CPED1: variants seen among roughly 807,000 people sequenced by gnomAD.
CPED1 encodes the protein cadherin-like and PC-esterase domain-containing protein 1.
A neutral mutation model predicts 128.2 loss-of-function variants in CPED1; 114 were observed. That is an observed-to-expected ratio of 0.89 (90% CI 0.76 to 1.04). The LOEUF (loss-of-function observed/expected upper bound fraction) is 1.04, where lower values mean the gene tolerates loss of function less well. CPED1 is among the 50% of genes least tolerant of loss of function. The pLI is 0.00. For synonymous variants in CPED1, 462 were observed against 426.7 expected, an observed-to-expected ratio of 1.08 and a Z score of -1.02; for missense variants, 1,211 against 1,207.1, an observed-to-expected ratio of 1.00 and a Z score of -0.05.
intron 16 of CPED1, among the ~76,000 whole-genome samples, chr7:121,172,661 CATAG>C (rs6150319): frequency 0.014 from 1,997 of 145,298 alleles, 27 homozygotes; most frequent in African/African-American, 0.028. Context: ...TGGATGGATA[CATAG>C]ATAGATAGAT....
chr7:121,089,898 A>T (rs1045346474), intron 5 of CPED1, among the ~76,000 whole-genome samples: 9 of 152,198 alleles, frequency 5.9e-5, no homozygotes, highest in African/African-American at 2.2e-4. Flanking sequence ...TGGAAAATTC[A>T]TGCAGAAAAC....
intron 10 of CPED1, among the ~76,000 whole-genome samples, chr7:121,127,631 G>GT (rs1219231700): frequency 1.3e-5 from 2 of 150,868 alleles, no homozygotes; most frequent in Non-Finnish European, 2.9e-5. Flanking sequence ...CGCCTCCTGG[G>GT]TTCAAGAGAT....
At chr7:121,088,916 T>C (rs1352972161) in intron 5 of CPED1, among the ~76,000 whole-genome samples, 2 of 152,018 alleles carry the variant, frequency 1.3e-5, no homozygotes, top group Non-Finnish European at 2.9e-5. Flanking sequence ...ATGCAAGATA[T>C]AAGATAGATG....
chr7:121,210,962 A>C (rs957096132), intron 16 of CPED1, among the ~76,000 whole-genome samples: 2 of 152,016 alleles, frequency 1.3e-5, no homozygotes, highest in African/African-American at 4.8e-5. Flanking sequence ...ACCCATAAAA[A>C]TAAAAAAAAT....
intron 16 of CPED1, among the ~76,000 whole-genome samples, chr7:121,162,649 A>G (rs1477137479): frequency 1.3e-5 from 2 of 152,222 alleles, no homozygotes; most frequent in African/African-American, 4.8e-5. Context: ...AGATATTCCA[A>G]GCTCCAGGTG....
At chr7:121,261,845 C>A in intron 18 of CPED1, 1 of 875,404 alleles carries the variant, frequency 1.1e-6, no homozygotes, top group Non-Finnish European at 1.8e-6. Context: ...CTTATCTCAC[C>A]TAATACAGGG....
intron 22 of CPED1, among the ~76,000 whole-genome samples, chr7:121,286,141 T>C (rs1275739821): frequency 1.3e-5 from 2 of 152,220 alleles, no homozygotes; most frequent in East Asian, 3.9e-4. Flanking sequence ...AGGGGAAAGC[T>C]CCTCACAAAA....
intron 5 of CPED1, among the ~76,000 whole-genome samples, chr7:121,077,437 C>CA (rs1254732615): frequency 6.6e-6 from 1 of 151,750 alleles, no homozygotes; most frequent in Non-Finnish European, 1.5e-5. Flanking sequence ...AAAAAGAAAG[C>CA]AAAAAATGAA....
chr7:121,101,496 C>T (rs1364545410), intron 7 of CPED1, among the ~76,000 whole-genome samples: 3 of 152,054 alleles, frequency 2.0e-5, no homozygotes, highest in Non-Finnish European at 4.4e-5. Flanking sequence ...TATTATTTGG[C>T]TTTTCTTATC....
At chr7:121,144,955 G>T (rs954646311) in intron 16 of CPED1, among the ~76,000 whole-genome samples, 2 of 151,940 alleles carry the variant, frequency 1.3e-5, no homozygotes, top group Non-Finnish European at 2.9e-5. Context: ...GTTACTAGAA[G>T]GTGTAGGTAC....
chr7:121,236,068 G>A (rs1798247654), intron 16 of CPED1, among the ~76,000 whole-genome samples: 2 of 152,116 alleles, frequency 1.3e-5, no homozygotes, highest in African/African-American at 4.8e-5. Flanking sequence ...AAATGAGACT[G>A]GTCCAGCCTG....
intron 22 of CPED1, among the ~76,000 whole-genome samples, chr7:121,277,674 C>T (rs1362986290): frequency 1.3e-5 from 2 of 152,082 alleles, no homozygotes; most frequent in African/African-American, 4.8e-5. Flanking sequence ...TGCTGTTCCC[C>T]CTGAGCGAAT....
At chr7:121,066,294 C>G (rs1172189373) in intron 5 of CPED1, among the ~76,000 whole-genome samples, 1 of 152,014 alleles carries the variant, frequency 6.6e-6, no homozygotes, top group Non-Finnish European at 1.5e-5. Context: ...CACTTATTCT[C>G]TGTGTGACTT....
chr7:121,114,655 T>G (rs954728099), intron 7 of CPED1, among the ~76,000 whole-genome samples: 1 of 152,220 alleles, frequency 6.6e-6, no homozygotes, highest in Non-Finnish European at 1.5e-5. Flanking sequence ...TGCAATTAAG[T>G]CCATGCCTAT....
intron 2 of CPED1, among the ~76,000 whole-genome samples, chr7:120,993,374 T>G (rs1411198990): frequency 6.6e-6 from 1 of 152,224 alleles, no homozygotes; most frequent in Non-Finnish European, 1.5e-5. Context: ...TACCTCCTGT[T>G]GATGGCTCCA....
At chr7:121,263,042 G>A (rs889818462) in intron 18 of CPED1, among the ~76,000 whole-genome samples, 7 of 152,060 alleles carry the variant, frequency 4.6e-5, no homozygotes, top group African/African-American at 1.7e-4. Context: ...AGAAATCCCA[G>A]AGCTATGTCT....
intron 16 of CPED1, among the ~76,000 whole-genome samples, chr7:121,208,620 G>C (rs1343548059): frequency 1.3e-5 from 2 of 152,112 alleles, no homozygotes; most frequent in East Asian, 3.9e-4. Context: ...TATTTAGTCT[G>C]ACTCAATAGC....
intron 16 of CPED1, among the ~76,000 whole-genome samples, chr7:121,190,109 CAAGAT>C (rs927002473): frequency 1.6e-3 from 244 of 151,660 alleles, no homozygotes; most frequent in African/African-American, 5.5e-3. Context: ...AAAAATTAAA[CAAGAT>C]AAAAAGTCAG....
At chr7:121,101,563 T>A (rs529819416) in intron 7 of CPED1, among the ~76,000 whole-genome samples, 1 of 152,300 alleles carries the variant, frequency 6.6e-6, no homozygotes, top group African/African-American at 2.4e-5. Context: ...ATCTTTTGAA[T>A]CGTACAATCT....
Sources: allele counts gnomAD v4.1 joint callset (sites outside exome capture counted in the v4.1 genomes callset), GRCh38; gene constraint gnomAD v4.1.1; transcripts MANE v1.5; gene names NCBI Gene and HGNC (gene_info 2026-07-23, HGNC 2026-07-21).